Variants in B3GALT1 observed in about 807,000 individuals in gnomAD.
B3GALT1 encodes the protein UDP-Gal:betaGlcNAc beta 1,3-galactosyltransferase, polypeptide 1.
In B3GALT1, 10 loss-of-function variants were observed where a neutral mutation model predicts 23.2. That is an observed-to-expected ratio of 0.43 (90% CI 0.27 to 0.73). The LOEUF is 0.73. Ranked by LOEUF, B3GALT1 falls within the 30% of genes least tolerant of loss-of-function variation. B3GALT1 has a pLI of 0.21. For missense variants in B3GALT1, 299 were observed against 405.4 expected (o/e 0.74, Z 2.25); for synonymous variants, 156 against 141.5 (o/e 1.10, Z -0.73).
chr2:167,373,550 TAAAA>T (rs1419240067), intron 1 of B3GALT1, among the ~76,000 whole-genome samples: 4 of 151,824 alleles, frequency 2.6e-5, no homozygotes, highest in Non-Finnish European at 5.9e-5. Flanking sequence ...AACAGGAAAA[TAAAA>T]AAGAGGTAGA....
intron 4 of B3GALT1, among the ~76,000 whole-genome samples, chr2:167,866,062 T>C (rs1690211287): frequency 6.6e-6 from 1 of 152,176 alleles, no homozygotes; most frequent in Non-Finnish European, 1.5e-5. Flanking sequence ...TGCCCTTGCA[T>C]ATGCTGTTTC....
At chr2:167,557,173 CAAAGT>C (rs1245906355) in intron 2 of B3GALT1, among the ~76,000 whole-genome samples, 1 of 151,716 alleles carries the variant, frequency 6.6e-6, no homozygotes, top group Non-Finnish European at 1.5e-5. Flanking sequence ...TTATACACCT[CAAAGT>C]AAATTATTAA....
intron 3 of B3GALT1, chr2:167,715,105 A>G: frequency 6.2e-7 from 1 of 1,613,580 alleles, no homozygotes; most frequent in South Asian, 1.1e-5. Context: ...CATTTAAGTT[A>G]GCAGCATGAA....
intron 4 of B3GALT1, among the ~76,000 whole-genome samples, chr2:167,843,934 G>A (rs1026476489): frequency 1.3e-5 from 2 of 152,154 alleles, no homozygotes; most frequent in African/African-American, 2.4e-5. Context: ...TCTAGGACAA[G>A]GCTTTATAGA....
At chr2:167,697,034 C>T (rs1305202957) in intron 3 of B3GALT1, among the ~76,000 whole-genome samples, 1 of 152,090 alleles carries the variant, frequency 6.6e-6, no homozygotes, top group East Asian at 1.9e-4. Flanking sequence ...GCAGTTGTTC[C>T]TGTTTCTGTT....
intron 4 of B3GALT1, among the ~76,000 whole-genome samples, chr2:167,853,188 T>G (rs908977974): frequency 1.3e-5 from 2 of 152,156 alleles, no homozygotes; most frequent in Non-Finnish European, 2.9e-5. Context: ...CCCTTCGCAT[T>G]CTCAGTTTCA....
At chr2:167,813,883 G>A (rs1688939626) in intron 3 of B3GALT1, among the ~76,000 whole-genome samples, 1 of 152,194 alleles carries the variant, frequency 6.6e-6, no homozygotes, top group Non-Finnish European at 1.5e-5. Flanking sequence ...GATGGACTAA[G>A]TTTAAAATCA....
intron 2 of B3GALT1, among the ~76,000 whole-genome samples, 128 bp from the exon 3 acceptor site, chr2:167,646,781 G>A (rs1401914836): frequency 6.6e-6 from 1 of 152,142 alleles, no homozygotes; most frequent in Non-Finnish European, 1.5e-5. Flanking sequence ...TTAGTGAAAT[G>A]CACCATTTTT....
At chr2:167,669,961 C>T (rs1373749761) in intron 3 of B3GALT1, among the ~76,000 whole-genome samples, 1 of 152,152 alleles carries the variant, frequency 6.6e-6, no homozygotes, top group Non-Finnish European at 1.5e-5. Flanking sequence ...GGGTTCAGAA[C>T]TCCACAACAA....
intron 4 of B3GALT1, among the ~76,000 whole-genome samples, chr2:167,860,265 A>G (rs1690072733): frequency 6.6e-6 from 1 of 152,184 alleles, no homozygotes; most frequent in Non-Finnish European, 1.5e-5. Context: ...AACATTTTTC[A>G]GAAAGGATCT....
chr2:167,592,870 A>G (rs1431374938), intron 2 of B3GALT1, among the ~76,000 whole-genome samples: 24 of 152,216 alleles, frequency 1.6e-4, no homozygotes. Context: ...AGTACTGCAA[A>G]GGATCAGAAC....
At chr2:167,848,113 A>G (rs377734682) in intron 4 of B3GALT1, among the ~76,000 whole-genome samples, 1 of 152,192 alleles carries the variant, frequency 6.6e-6, no homozygotes, top group African/African-American at 2.4e-5. Context: ...TTACCAACAA[A>G]AAAAAGGTCC....
rs187339683 is a variant in B3GALT1 at position 167,510,970 on chromosome 2, G to A, written c.-410+20693G>A. Among the ~76,000 whole-genome samples the A allele has an allele frequency of 1.1e-4, 16 of 152,120 alleles. No individual in the cohort carries two copies. The East Asian group carries it at 2.5e-3, about 24-fold the overall frequency. ...TAGATAAAAAATGTAAATTAAAATA[G>A]CAATATTAGAATCAATAAAAAAAGA... is the stretch of plus-strand genomic sequence containing the variant. On this transcript the variant is annotated intron_variant, in intron 2 of 4. Transcript: ENST00000392690.
intron 2 of B3GALT1, among the ~76,000 whole-genome samples, chr2:167,607,806 G>A (rs1024781194): frequency 3.3e-5 from 5 of 152,044 alleles, no homozygotes; most frequent in Non-Finnish European, 7.4e-5. Flanking sequence ...AAACTCTTAG[G>A]GCTGAGCAAT....
chr2:167,535,609 A>G lies in B3GALT1; in HGVS notation c.-410+45332A>G, dbSNP rs374553809. On this transcript the variant is annotated intron_variant, in intron 2 of 4. Transcript: ENST00000392690. ...AAAAAAAAACAGAACACATAGGTAT[A>G]AAAAGGAGAGGCATACCATGTTATC... Among the ~76,000 whole-genome samples, 180 of 152,176 alleles carry G rather than the reference A, an allele frequency of 1.2e-3. 6 individuals are homozygous for G. The East Asian group carries it at 0.029, about 25-fold the overall frequency.
chr2:167,339,494 G>T (rs1186152672), intron 1 of B3GALT1, among the ~76,000 whole-genome samples: 1 of 151,958 alleles, frequency 6.6e-6, no homozygotes, highest in Non-Finnish European at 1.5e-5. Flanking sequence ...GAATAATTTG[G>T]AGTGAGAGAC....
At chr2:167,327,755 T>A (rs901195712) in intron 1 of B3GALT1, among the ~76,000 whole-genome samples, 2 of 152,208 alleles carry the variant, frequency 1.3e-5, no homozygotes, top group Non-Finnish European at 2.9e-5. Context: ...CTTCCAGTAC[T>A]ATGTTGAATA....
chr2:167,777,599 C>T (rs770043913), intron 3 of B3GALT1, among the ~76,000 whole-genome samples: 3 of 152,170 alleles, frequency 2.0e-5, no homozygotes, highest in Admixed American at 6.5e-5. Context: ...CCACCCGCCT[C>T]GGCCTCCCAA....
intron 1 of B3GALT1, among the ~76,000 whole-genome samples, chr2:167,380,460 C>A (rs1275795013): frequency 4.6e-5 from 7 of 152,164 alleles, no homozygotes; most frequent in African/African-American, 1.4e-4. Flanking sequence ...TCTAGCCTTA[C>A]TGCTGAGGCA....
Sources: allele counts gnomAD v4.1 joint callset (sites outside exome capture counted in the v4.1 genomes callset), GRCh38; gene constraint gnomAD v4.1.1; transcripts MANE v1.5; gene names NCBI Gene and HGNC (gene_info 2026-07-23, HGNC 2026-07-21).